The following LRCH2 variants were observed in gnomAD, a reference collection of about 807,000 sequenced individuals.
The protein encoded by LRCH2 is leucine rich repeats and calponin homology domain containing 2, also known as leucine-rich repeat and calponin homology domain-containing protein 2.
A neutral mutation model predicts 68.9 loss-of-function variants in LRCH2; 38 were observed. The observed-to-expected ratio is 0.55, with a 90% CI of 0.43 to 0.72. The LOEUF (loss-of-function observed/expected upper bound fraction) is 0.72, where lower values mean the gene tolerates loss of function less well. LRCH2 is among the 30% of genes least tolerant of loss of function. The pLI, the probability that LRCH2 is intolerant of heterozygous loss-of-function variation, is 0.00. For missense variants in LRCH2, 528 were observed against 572.9 expected, an observed-to-expected ratio of 0.92 and a Z score of 0.80; for synonymous variants, 191 against 208.1, an observed-to-expected ratio of 0.92 and a Z score of 0.71.
intron 12 of LRCH2, among the ~76,000 whole-genome samples, chrX:115,152,306 G>C (rs782215820): frequency 8.0e-4 from 89 of 111,315 alleles, no homozygotes; most frequent in African/African-American, 2.8e-3. Flanking sequence ...CCATATCCCA[G>C]AACAAAAGTC....
At chrX:115,190,946 A>T in intron 1 of LRCH2, 1 of 1,164,031 alleles carries the variant, frequency 8.6e-7, no homozygotes, top group Non-Finnish European at 1.1e-6. Context: ...AGCTGGAGCG[A>T]CCGCTACGGA....
intron 14 of LRCH2, among the ~76,000 whole-genome samples, chrX:115,146,906 T>TACACACAC (rs57837250): frequency 2.4e-4 from 16 of 67,565 alleles, no homozygotes; most frequent in African/African-American, 6.3e-4. Context: ...CTTACATACA[T>TACACACAC]ACACACACAC....
chrX:115,219,137 T>C (rs1389438762), intron 1 of LRCH2, among the ~76,000 whole-genome samples: 1 of 112,083 alleles, frequency 8.9e-6, no homozygotes, highest in African/African-American at 3.2e-5. Context: ...AGGCTTCAGA[T>C]TGCAAAACAA....
At chrX:115,215,800 A>G (rs1394993300) in intron 1 of LRCH2, among the ~76,000 whole-genome samples, 3 of 107,180 alleles carry the variant, frequency 2.8e-5, no homozygotes, top group African/African-American at 1.0e-4. Context: ...AACATAATTC[A>G]TTAATCAAAT....
intron 1 of LRCH2, among the ~76,000 whole-genome samples, chrX:115,213,856 T>A (rs782052892): frequency 8.9e-6 from 1 of 111,948 alleles, no homozygotes; most frequent in South Asian, 3.7e-4. Context: ...ATTTCAGAGC[T>A]ATTGGTAATG....
chrX:115,194,881 A>G (rs181980294), intron 1 of LRCH2, among the ~76,000 whole-genome samples: 15 of 111,581 alleles, frequency 1.3e-4, no homozygotes, highest in African/African-American at 4.9e-4. Flanking sequence ...GTTCAAGTTT[A>G]TATCTGTATA....
chrX:115,217,983 T>C (rs952195456), intron 1 of LRCH2, among the ~76,000 whole-genome samples: 3 of 111,773 alleles, frequency 2.7e-5, no homozygotes, highest in African/African-American at 9.8e-5. Context: ...TGACCTGTGA[T>C]GATGAACTTT....
At position 115,122,862 on chromosome X, in the gene LRCH2, A is replaced by G. The variant is rs2072155440; in HGVS notation, c.1998T>C (p.Asp666=). Residue 666 remains aspartate, a synonymous_variant, in exon 19 of 21, where the codon GAT becomes GAC. Transcript: ENST00000317135. ...CATCCATCAGTGCAGCTCCAATGTC[A>G]TCAGGCAAAATTACTTTTAACCTGG... ...LESRLKVILP[D]DIGAALMDGV... The G allele has an allele frequency of 5.0e-6, 6 of 1,208,943 alleles. No homozygotes were observed. The highest frequency in any genetic ancestry group is 6.7e-6 in the Non-Finnish European group (6 of 893,886).
intron 2 of LRCH2, among the ~76,000 whole-genome samples, chrX:115,185,142 C>A (rs1231782883): frequency 4.5e-5 from 5 of 112,230 alleles, no homozygotes; most frequent in Non-Finnish European, 9.4e-5. Context: ...ACATTCTTAT[C>A]TCTGTAGATA....
chrX:115,206,418 C>T (rs1199760344), intron 1 of LRCH2, among the ~76,000 whole-genome samples: 3 of 111,873 alleles, frequency 2.7e-5, no homozygotes, highest in Admixed American at 9.5e-5. Flanking sequence ...GTGGGTTTAC[C>T]GGAATGAGGG....
chrX:115,164,839 C>G (rs1166612453), intron 10 of LRCH2, among the ~76,000 whole-genome samples: 1 of 110,797 alleles, frequency 9.0e-6, no homozygotes, highest in Non-Finnish European at 1.9e-5. Flanking sequence ...CTTTCTGCAT[C>G]TATAAAGCAA....
At chrX:115,192,197 G>A (rs782666120) in intron 1 of LRCH2, 29 of 1,164,244 alleles carry the variant, frequency 2.5e-5, no homozygotes, top group South Asian at 1.9e-5. Flanking sequence ...TACCAAGGCC[G>A]CTCGCCCAAT....
rs782174182 is a variant in LRCH2 at position 115,189,879 on chromosome X, G to A, written c.350-1509C>T. On this transcript the variant is annotated intron_variant, in intron 1 of 20. Coordinates refer to ENST00000317135, the MANE Select transcript of LRCH2 (RefSeq NM_020871.4). ...ACCTGTGGCCCTACAGGGCCCCGAT[G>A]CCCAGGAAGCGCGGGCCGCCACCGC... 5 of 1,163,235 alleles carry A rather than the reference G, an allele frequency of 4.3e-6. No individual in the cohort carries two copies. The African/African-American group carries it at 8.9e-5, about 21-fold the overall frequency.
rs782738165 is a variant in LRCH2, at chrX:115,190,471, C to T, written c.350-2101G>A. 2.7e-4 allele frequency: 316 copies of T among 1,166,264 alleles called. No individual in the cohort carries two copies. Among genetic ancestry groups the T allele is most frequent in the African/African-American group, 7.0e-4 (39 of 55,935 alleles). ...CTCGCCCGATGCCTGCAGTGAAGGC[C>T]GCTCGTCCGAGGCCTTGCCAGTCGT... is the stretch of plus-strand genomic sequence containing the variant. On this transcript the variant is annotated intron_variant, in intron 1 of 20. Coordinates refer to ENST00000317135, the MANE Select transcript of LRCH2 (RefSeq NM_020871.4).
In LRCH2 at chrX:115,229,305, CCA is replaced by C. The variant is rs782708423; in HGVS notation, c.349+4386_349+4387del. 1.1e-3 allele frequency among the ~76,000 whole-genome samples: 119 copies of C among 111,170 alleles called. 1 individual carries two copies. The highest frequency in any genetic ancestry group is 3.6e-3 in the African/African-American group (110 of 30,634). On this transcript the variant is annotated intron_variant, in intron 1 of 20. Coordinates refer to ENST00000317135, the MANE Select transcript of LRCH2 (RefSeq NM_020871.4). ...GGAGTTGAAAAACCTAGGCTCTGAC[CCA>C]CACACTCTGCCAGACTCACCATTTA...
chrX:115,190,781 G>T (rs781812129), intron 1 of LRCH2: 5 of 1,164,997 alleles, frequency 4.3e-6, no homozygotes, highest in Non-Finnish European at 5.7e-6. Context: ...AGCAGGGGCC[G>T]GTCCGACGAC....
chrX:115,213,390 C>T (rs1473220602), intron 1 of LRCH2, among the ~76,000 whole-genome samples: 7 of 111,656 alleles, frequency 6.3e-5, no homozygotes, highest in African/African-American at 2.3e-4. Flanking sequence ...CAAGCAAATT[C>T]TGATCCTCAC....
chrX:115,129,498 G>C (rs782039959), intron 15 of LRCH2, among the ~76,000 whole-genome samples: 192 of 111,395 alleles, frequency 1.7e-3, no homozygotes, highest in African/African-American at 5.9e-3. Flanking sequence ...CCAATGGAGA[G>C]AAATCGGCAT....
At chrX:115,130,369 A>C (rs1556529628) in intron 14 of LRCH2, among the ~76,000 whole-genome samples, 170 bp from the exon 15 acceptor site, 2 of 112,058 alleles carry the variant, frequency 1.8e-5, no homozygotes, top group South Asian at 7.3e-4. Context: ...ACTAACAAAA[A>C]TAATGCTTTC....
Sources: allele counts gnomAD v4.1 joint callset (sites outside exome capture counted in the v4.1 genomes callset), GRCh38; gene constraint gnomAD v4.1.1; transcripts MANE v1.5; gene names NCBI Gene and HGNC (gene_info 2026-07-23, HGNC 2026-07-21).